Variants in ASPRV1 observed in about 807,000 individuals in gnomAD.
ASPRV1 encodes aspartic peptidase retroviral like 1, also known as retroviral-like aspartic protease 1.
A neutral mutation model predicts 11.0 loss-of-function variants in ASPRV1; 7 were observed. The ratio of observed to expected loss-of-function variants is 0.64; its 90% confidence interval spans 0.36 to 1.20. The LOEUF (loss-of-function observed/expected upper bound fraction) is 1.20. ASPRV1 is among the 50% of genes most tolerant of loss of function. ASPRV1 has a pLI of 0.02. For synonymous variants in ASPRV1, 136 were observed against 138.4 expected (o/e 0.98, Z 0.12); for missense variants, 299 against 320.0 (o/e 0.93, Z 0.50).
chr2:69,996,690 T>C, the ASPRV1 span: 1 of 456,618 alleles, frequency 2.2e-6, no homozygotes, highest in Non-Finnish European at 4.4e-6. Context: ...TCTTACCAAA[T>C]AGTAACTGGT....
chr2:70,041,653 T>G, the ASPRV1 span, among the ~76,000 whole-genome samples: 1 of 152,192 alleles, frequency 6.6e-6, no homozygotes, highest in African/African-American at 2.4e-5. Flanking sequence ...CTGAGATGAA[T>G]ATAGTCCCAG....
chr2:69,937,989 C>A, the ASPRV1 span: 1 of 1,004,842 alleles, frequency 1.0e-6, no homozygotes, highest in Non-Finnish European at 1.5e-6. Context: ...TCAAGTGATC[C>A]ACCCGCCTTT....
the ASPRV1 span, among the ~76,000 whole-genome samples, chr2:70,011,405 T>C: frequency 6.6e-6 from 1 of 152,240 alleles, no homozygotes; most frequent in South Asian, 2.1e-4. Context: ...GATGAGCGCC[T>C]GAGCTGAGGC....
At chr2:69,970,206 C>G in the ASPRV1 span, among the ~76,000 whole-genome samples, 1 of 152,126 alleles carries the variant, frequency 6.6e-6, no homozygotes, top group Non-Finnish European at 1.5e-5. Context: ...CTCTTCACAC[C>G]CTGGCCTCAG....
the ASPRV1 span, chr2:70,050,384 T>C: frequency 6.6e-6 from 1 of 152,122 alleles, no homozygotes; most frequent in Non-Finnish European, 1.5e-5. Context: ...ATTTAAAGAT[T>C]AAAGATTTAA....
At chr2:69,997,201 A>AT in the ASPRV1 span, among the ~76,000 whole-genome samples, 2 of 151,484 alleles carry the variant, frequency 1.3e-5, no homozygotes, top group African/African-American at 4.9e-5. Context: ...AAAAAAAAAA[A>AT]AAAATGGACG....
chr2:70,005,496 CTTG>C, the ASPRV1 span, among the ~76,000 whole-genome samples: 1 of 152,080 alleles, frequency 6.6e-6, no homozygotes, highest in Non-Finnish European at 1.5e-5. Flanking sequence ...TACAGATTTT[CTTG>C]TTTTCTAATT....
At chr2:70,037,634 A>ATT in the ASPRV1 span, among the ~76,000 whole-genome samples, 128 of 151,798 alleles carry the variant, frequency 8.4e-4, 5 homozygotes, top group East Asian at 0.017. Context: ...TTTTTGTGGT[A>ATT]TTTTTTTTCC....
At chr2:70,005,836 T>A in the ASPRV1 span, among the ~76,000 whole-genome samples, 1 of 152,190 alleles carries the variant, frequency 6.6e-6, no homozygotes, top group Non-Finnish European at 1.5e-5. Context: ...AAAAGCTTTT[T>A]GTAAATACAC....
chr2:69,953,600 TC>T, the ASPRV1 span, among the ~76,000 whole-genome samples: 32,202 of 152,156 alleles, frequency 0.21, 4,562 homozygotes, highest in East Asian at 0.38. Flanking sequence ...CTGGGACCTT[TC>T]CCCCAATCCA....
chr2:69,975,928 CTGT>C, the ASPRV1 span: 1 of 152,556 alleles, frequency 6.6e-6, no homozygotes, highest in African/African-American at 2.4e-5. Flanking sequence ...GGGGTTACAC[CTGT>C]TCCTTGCTCA....
At chr2:70,062,176 G>A in the ASPRV1 span, among the ~76,000 whole-genome samples, 83 of 151,556 alleles carry the variant, frequency 5.5e-4, no homozygotes, top group South Asian at 4.2e-3. Context: ...ATAGTGGCGG[G>A]TGCCTGTAAT....
At chr2:69,949,182 C>T in the ASPRV1 span, among the ~76,000 whole-genome samples, 108 of 152,296 alleles carry the variant, frequency 7.1e-4, no homozygotes, top group African/African-American at 2.6e-3. Context: ...CTGCAGGCCC[C>T]CTGCGGCTCT....
At chr2:70,038,784 A>G in the ASPRV1 span, among the ~76,000 whole-genome samples, 1 of 152,188 alleles carries the variant, frequency 6.6e-6, no homozygotes, top group Non-Finnish European at 1.5e-5. Flanking sequence ...TAAGATTATA[A>G]AAGACCAAGG....
chr2:69,983,070 C>T, the ASPRV1 span, among the ~76,000 whole-genome samples: 87 of 152,266 alleles, frequency 5.7e-4, no homozygotes, highest in African/African-American at 2.0e-3. Context: ...AGGTGTGTGC[C>T]ACCACTCCCG....
the ASPRV1 span, among the ~76,000 whole-genome samples, chr2:70,024,070 GC>G: frequency 8.1e-6 from 1 of 124,216 alleles, no homozygotes; most frequent in African/African-American, 3.2e-5. Context: ...GGCCAACAAA[GC>G]AAAATCCCGT....
the ASPRV1 span, chr2:69,939,331 TATTG>T: frequency 5.2e-5 from 8 of 152,734 alleles, no homozygotes; most frequent in East Asian, 3.9e-4. Context: ...CTCCTCTCCT[TATTG>T]ATTATTTTTG....
chr2:69,974,365 T>C, the ASPRV1 span, among the ~76,000 whole-genome samples: 35,590 of 151,872 alleles, frequency 0.23, 7,686 homozygotes, highest in African/African-American at 0.56. Flanking sequence ...TAGGAAGTGA[T>C]GGTTTTTGAA....
At chr2:69,973,582 G>A in the ASPRV1 span, among the ~76,000 whole-genome samples, 422 of 152,216 alleles carry the variant, frequency 2.8e-3, 6 homozygotes, top group South Asian at 0.015. Context: ...TCCTGGCCTC[G>A]AGCAATCCTC....
Sources: allele counts gnomAD v4.1 joint callset (sites outside exome capture counted in the v4.1 genomes callset), GRCh38; gene constraint gnomAD v4.1.1; transcripts MANE v1.5; gene names NCBI Gene and HGNC (gene_info 2026-07-23, HGNC 2026-07-21).